MEF2A: variants seen among roughly 807,000 people sequenced by gnomAD.
The protein encoded by MEF2A is myocyte-specific enhancer factor 2A.
MEF2A carries 28 observed loss-of-function variants against 55.8 expected under a neutral mutation model. The ratio of observed to expected loss-of-function variants is 0.50; its 90% confidence interval spans 0.37 to 0.69. MEF2A has a LOEUF of 0.69. MEF2A is among the 30% of genes least tolerant of loss of function. MEF2A has a pLI of 0.00. For missense variants in MEF2A, 528 were observed against 626.2 expected, an observed-to-expected ratio of 0.84 and a Z score of 1.67; for synonymous variants, 239 against 227.1, an observed-to-expected ratio of 1.05 and a Z score of -0.47.
At chr15:99,616,078 A>G (rs901356602) in intron 2 of MEF2A, among the ~76,000 whole-genome samples, 10 of 152,208 alleles carry the variant, frequency 6.6e-5, no homozygotes, top group African/African-American at 2.2e-4. Context: ...ATATCAAGCC[A>G]CAGTCAGACT....
At chr15:99,616,015 TTAAAAA>T (rs1183713663) in intron 2 of MEF2A, among the ~76,000 whole-genome samples, 7 of 152,218 alleles carry the variant, frequency 4.6e-5, no homozygotes, top group African/African-American at 1.7e-4. Flanking sequence ...CTGTGTTGAC[TTAAAAA>T]TAAGAAAATT....
At chr15:99,627,926 T>A (rs1233879393) in intron 2 of MEF2A, among the ~76,000 whole-genome samples, 1 of 152,198 alleles carries the variant, frequency 6.6e-6, no homozygotes, top group African/African-American at 2.4e-5. Flanking sequence ...CCCTTAGCCA[T>A]GGTAATTTAC....
rs34316601 is a variant in MEF2A, at chr15:99,584,708, G to A, written c.-224-13722G>A. ...GGCTGGGGTAGGCATAGGGAATGGG[G>A]AGTGAGTCCTAATTAGTACTGGGGT... On this transcript the variant is annotated intron_variant, in intron 1 of 11. Transcript: ENST00000557942. 5.6e-3 allele frequency among the ~76,000 whole-genome samples: 849 copies of A among 152,286 alleles called. 5 individuals are homozygous for A. The highest frequency in any genetic ancestry group is 9.0e-3 in the Non-Finnish European group (610 of 68,000).
intron 1 of MEF2A, among the ~76,000 whole-genome samples, chr15:99,580,751 C>G (rs560794623): frequency 1.3e-5 from 2 of 152,170 alleles, no homozygotes; most frequent in Non-Finnish European, 2.9e-5. Flanking sequence ...CAATGTCAAT[C>G]TAACATAAGA....
At chr15:99,570,579 T>A (rs1961772551) in intron 1 of MEF2A, among the ~76,000 whole-genome samples, 1 of 152,172 alleles carries the variant, frequency 6.6e-6, no homozygotes, top group South Asian at 2.1e-4. Context: ...CAGGTTGACG[T>A]GGATTCATTT....
At chr15:99,614,985 A>G (rs976257236) in intron 2 of MEF2A, among the ~76,000 whole-genome samples, 3 of 152,174 alleles carry the variant, frequency 2.0e-5, no homozygotes, top group Non-Finnish European at 4.4e-5. Flanking sequence ...AAGAACAGTG[A>G]TAAGTGACAT....
At chr15:99,593,082 C>T (rs996924184) in intron 1 of MEF2A, among the ~76,000 whole-genome samples, 6 of 152,094 alleles carry the variant, frequency 3.9e-5, no homozygotes, top group Non-Finnish European at 1.5e-5. Context: ...TTAAAACTTA[C>T]ATTTTAGGTT....
intron 2 of MEF2A, among the ~76,000 whole-genome samples, chr15:99,611,257 C>A (rs1977186268): frequency 6.6e-6 from 1 of 152,046 alleles, no homozygotes; most frequent in Non-Finnish European, 1.5e-5. Flanking sequence ...CAAAACAAAA[C>A]AAAACTTGAT....
At chr15:99,710,805 A>G (rs757238901) in intron 11 of MEF2A, 45 bp downstream of exon 11, 8 of 1,577,178 alleles carry the variant, frequency 5.1e-6, no homozygotes, top group African/African-American at 1.3e-5. Flanking sequence ...CCTGGCCTAC[A>G]CACTCTCTTT....
chr15:99,682,271 G>A (rs1013376595), intron 7 of MEF2A, among the ~76,000 whole-genome samples: 6 of 152,168 alleles, frequency 3.9e-5, no homozygotes, highest in Non-Finnish European at 7.3e-5. Context: ...CTGTAATTGA[G>A]ATCAAGTTCT....
chr15:99,594,384 A>T (rs996577742), intron 1 of MEF2A, among the ~76,000 whole-genome samples: 1 of 151,848 alleles, frequency 6.6e-6, no homozygotes, highest in African/African-American at 2.4e-5. Context: ...TCCATCCTCT[A>T]TCTGGTTGTG....
At chr15:99,661,510 A>G (rs1041652123) in intron 4 of MEF2A, among the ~76,000 whole-genome samples, 6 of 151,898 alleles carry the variant, frequency 4.0e-5, no homozygotes, top group Non-Finnish European at 7.4e-5. Flanking sequence ...AATAATTACT[A>G]TAAAAATAAA....
At chr15:99,702,961 G>T (rs1019225687) in intron 8 of MEF2A, among the ~76,000 whole-genome samples, 1 of 152,176 alleles carries the variant, frequency 6.6e-6, no homozygotes, top group Non-Finnish European at 1.5e-5. Context: ...GTATCACCAG[G>T]TGGGGTAATA....
chr15:99,640,253 T>C (rs915611210), intron 3 of MEF2A, among the ~76,000 whole-genome samples: 5 of 152,236 alleles, frequency 3.3e-5, no homozygotes, highest in African/African-American at 1.2e-4. Flanking sequence ...AATAATTGTA[T>C]GTACCACAAT....
Position 99,628,736 on chromosome 15 carries a change from G to A in MEF2A, c.-142-4242G>A, listed in dbSNP as rs148713079. Among the ~76,000 whole-genome samples the A allele has an allele frequency of 5.7e-3, 869 of 152,160 alleles. 6 individuals carry two copies. The highest frequency in any genetic ancestry group is 0.019 in the African/African-American group (774 of 41,494). ...ATTACTGTTATGTATTGTAACATTTGAAATCCCACAAAGTATTATTGTTTA... is the reference window on the plus strand; with the variant it reads ...ATTACTGTTATGTATTGTAACATTTAAAATCCCACAAAGTATTATTGTTTA... On this transcript the variant is annotated intron_variant, in intron 2 of 11. Coordinates refer to ENST00000557942, the MANE Select transcript of MEF2A (RefSeq NM_001319206.4).
chr15:99,714,675 T>A lies in MEF2A; in HGVS notation c.*1904T>A, dbSNP rs1335595285. The A allele has an allele frequency of 2.0e-5, 3 of 152,202 alleles. No individual in the cohort carries two copies. The allele number at this position is 152,202 out of a possible 1,614,324, so 9.4% of individuals were successfully genotyped here. On this transcript the variant is annotated 3_prime_UTR_variant, in exon 12 of 12. Transcript: ENST00000557942. ...GTGCCATGAGCAAAATTCAAAGTCC[T>A]GTATATCTTTCATTGTAGATTTTTA... is the stretch of plus-strand genomic sequence containing the variant.
chr15:99,698,185 A>G (rs1460608796), intron 8 of MEF2A, among the ~76,000 whole-genome samples: 2 of 152,370 alleles, frequency 1.3e-5, no homozygotes, highest in East Asian at 3.9e-4. Flanking sequence ...GATGTATTGG[A>G]GGTTGAACTT....
chr15:99,671,821 C>A (rs1390487904), intron 5 of MEF2A, among the ~76,000 whole-genome samples: 1 of 152,132 alleles, frequency 6.6e-6, no homozygotes, highest in Non-Finnish European at 1.5e-5. Flanking sequence ...TTGCTGAAAT[C>A]TTATACATGT....
At chr15:99,703,684 C>T (rs2057699739) in intron 9 of MEF2A, among the ~76,000 whole-genome samples, 1 of 151,820 alleles carries the variant, frequency 6.6e-6, no homozygotes, top group Admixed American at 6.6e-5. Context: ...TACAAAATAC[C>T]TTATATAGCT....
Sources: gnomAD v4.1 joint callset for allele counts (sites outside exome capture counted in the v4.1 genomes callset) on GRCh38, gnomAD v4.1.1 for gene constraint, MANE v1.5 for transcripts, NCBI Gene and HGNC (gene_info 2026-07-23, HGNC 2026-07-21) for gene names.